The following PNPLA8 variants were observed in gnomAD, a reference collection of about 807,000 sequenced individuals.
PNPLA8 encodes the protein patatin like domain 8, phospholipase A2.
A neutral mutation model predicts 76.9 loss-of-function variants in PNPLA8; 39 were observed. The observed-to-expected ratio is 0.51, with a 90% CI of 0.39 to 0.66. The LOEUF is 0.66. Ranked by LOEUF, PNPLA8 falls within the 30% of genes least tolerant of loss-of-function variation. The pLI, the probability that PNPLA8 is intolerant of heterozygous loss-of-function variation, is 0.00. For synonymous variants in PNPLA8, 301 were observed against 307.9 expected, an observed-to-expected ratio of 0.98 and a Z score of 0.24; for missense variants, 887 against 918.0, an observed-to-expected ratio of 0.97 and a Z score of 0.44.
intron 10 of PNPLA8, among the ~76,000 whole-genome samples, chr7:108,473,570 G>C (rs1443631283): frequency 6.6e-6 from 1 of 152,174 alleles, no homozygotes; most frequent in African/African-American, 2.4e-5. Context: ...AAGTTAGTAT[G>C]TCAAGTCTTA....
intron 8 of PNPLA8, among the ~76,000 whole-genome samples, chr7:108,490,566 G>A (rs2154515313): frequency 6.6e-6 from 1 of 151,846 alleles, no homozygotes; most frequent in Admixed American, 6.5e-5. Context: ...GGCGAATCAC[G>A]AGGTCAGGAG....
chr7:108,474,873 T>G (rs1465942004), intron 10 of PNPLA8, among the ~76,000 whole-genome samples: 2 of 152,210 alleles, frequency 1.3e-5, no homozygotes, highest in Non-Finnish European at 2.9e-5. Context: ...TCCTCCAACT[T>G]TTTTTTCTTT....
chr7:108,498,510 T>G (rs1460737685), intron 5 of PNPLA8, among the ~76,000 whole-genome samples: 1 of 151,498 alleles, frequency 6.6e-6, no homozygotes, highest in African/African-American at 2.4e-5. Flanking sequence ...CCTGACCTCA[T>G]GATCCACCCG....
rs141707516 is a variant in PNPLA8 at position 108,515,168 on chromosome 7, C to T, written c.324G>A (p.Leu108=). Residue 108 remains leucine, a synonymous_variant, in exon 3 of 11, where the codon TTG becomes TTA. Transcript: ENST00000257694. ...NICMSRIKST[L]NSVSKAVFGN... ...CAAAAACAGCCTTTGAAACAGAGTT[C>T]AAAGTACTTTTAATACGGGACATAC... is the stretch of plus-strand genomic sequence containing the variant. The T allele has an allele frequency of 1.8e-3, 2,914 of 1,607,662 alleles. 39 individuals are homozygous for T. The highest frequency in any genetic ancestry group is 3.6e-3 in the Middle Eastern group (22 of 6,032).
Position 108,502,599 on chromosome 7 carries a change from T to A in PNPLA8, c.1250A>T (p.Asp417Val). The change falls in exon 5 of 11, where the codon GAT (aspartate) becomes GTT (valine). Residue 417 changes from aspartate to valine, a missense_variant. Coordinates refer to ENST00000257694, the MANE Select transcript of PNPLA8 (RefSeq NM_001256007.3). ...PYLLRLRQIK[D>V]ETLQAAVREI... The stretch of plus-strand genomic sequence containing the variant: ...TCTAACTGCAGCCTGAAGAGTTTCA[T>A]CCTTAATTTGTCTCAGTCGTAATAA... 6.2e-7 allele frequency: 1 copy of A among 1,611,852 alleles called. No individual in the cohort carries two copies. Among genetic ancestry groups the A allele is most frequent in the South Asian group, 1.1e-5 (1 of 91,020 alleles).
In PNPLA8 at chr7:108,516,110, A is replaced by T. The variant is rs541490737; in HGVS notation, c.-83-536T>A. On this transcript the variant is annotated intron_variant, in intron 2 of 10. Coordinates refer to ENST00000257694, the MANE Select transcript of PNPLA8 (RefSeq NM_001256007.3). ...ATAGCCATGTGAAAAAGATTTCACT[A>T]CCTAAGTAATAAGTGCTCATTAAAT... is the stretch of plus-strand genomic sequence containing the variant. 6.3e-4 allele frequency among the ~76,000 whole-genome samples: 96 copies of T among 152,238 alleles called. 1 individual carries two copies. Among genetic ancestry groups the T allele is most frequent in the Non-Finnish European group, 1.3e-3 (87 of 68,028 alleles).
At chr7:108,490,668 C>T (rs989975827) in intron 8 of PNPLA8, among the ~76,000 whole-genome samples, 13 of 151,986 alleles carry the variant, frequency 8.6e-5, no homozygotes, top group Admixed American at 5.9e-4. Flanking sequence ...CCTATAGTCC[C>T]AGCTACTTGG....
chr7:108,490,383 C>A (rs1861059397), intron 8 of PNPLA8, among the ~76,000 whole-genome samples: 1 of 143,100 alleles, frequency 7.0e-6, no homozygotes, highest in Admixed American at 7.1e-5. Flanking sequence ...AATACTTGCA[C>A]AATGACAAAA....
chr7:108,480,019 T>C (rs973089565), intron 9 of PNPLA8, among the ~76,000 whole-genome samples: 45 of 152,178 alleles, frequency 3.0e-4, no homozygotes, highest in African/African-American at 1.0e-3. Context: ...ATAAAATGTA[T>C]TGTAGAACCA....
At chr7:108,495,157 G>C (rs1421092778) in intron 7 of PNPLA8, among the ~76,000 whole-genome samples, 1 of 152,140 alleles carries the variant, frequency 6.6e-6, no homozygotes, top group African/African-American at 2.4e-5. Context: ...AGCCATGTAT[G>C]TATCAAGATT....
chr7:108,527,802 C>T (rs535801063), upstream of PNPLA8: 1 of 152,088 alleles, frequency 6.6e-6, no homozygotes, highest in Non-Finnish European at 1.5e-5. Flanking sequence ...CTTGCTAAAA[C>T]TGGACTCAGC....
chr7:108,523,922 G>A (rs1863911394), intron 1 of PNPLA8, among the ~76,000 whole-genome samples: 1 of 152,188 alleles, frequency 6.6e-6, no homozygotes. Flanking sequence ...GTAAAGAGAG[G>A]GAAGTGTTAA....
At chr7:108,526,561 G>C (rs777754177), upstream of PNPLA8, among the ~76,000 whole-genome samples, 1 of 152,242 alleles carries the variant, frequency 6.6e-6, no homozygotes, top group African/African-American at 2.4e-5. Context: ...TGAAGCCCCT[G>C]CCTGCGCTGA....
intron 1 of PNPLA8, among the ~76,000 whole-genome samples, chr7:108,524,555 T>C (rs1450118313): frequency 1.3e-5 from 2 of 152,180 alleles, no homozygotes; most frequent in Admixed American, 6.5e-5. Context: ...CCAGGTGCGG[T>C]GGCTCAGGCC....
chr7:108,515,444 A>G lies in PNPLA8; in HGVS notation c.48T>C (p.Asn16=), dbSNP rs769755695. Residue 16 remains asparagine, a synonymous_variant, in exon 3 of 11, where the codon AAT becomes AAC. Coordinates refer to ENST00000257694, the MANE Select transcript of PNPLA8 (RefSeq NM_001256007.3). ...TCTGCTTCCCACAAACACTTCTTGC[A>G]TTACTAAGGAGGTAAATATATATAT... ...TVDIYIYLLS[N]ARSVCGKQRS... 158 of 1,595,032 alleles carry G rather than the reference A, an allele frequency of 9.9e-5. No individual in the cohort carries two copies. The Admixed American group carries it at 1.5e-3, about 15-fold the overall frequency.
At chr7:108,473,566 G>A (rs1037003043) in intron 10 of PNPLA8, among the ~76,000 whole-genome samples, 2 of 152,180 alleles carry the variant, frequency 1.3e-5, no homozygotes, top group South Asian at 4.1e-4. Context: ...CCCAAAGTTA[G>A]TATGTCAAGT....
At position 108,514,482 on chromosome 7, in the gene PNPLA8, T is replaced by C. The variant is rs1436746491; in HGVS notation, c.1010A>G (p.Asp337Gly). 4 of 1,613,752 alleles carry C rather than the reference T, an allele frequency of 2.5e-6. No homozygotes were observed. Among genetic ancestry groups the C allele is most frequent in the South Asian group, 1.1e-5 (1 of 91,078 alleles). The change falls in exon 3 of 11, where the codon GAC becomes GGC. Residue 337 changes from aspartate (D) to glycine (G), a missense_variant. By Grantham distance (94) the Asp-to-Gly change is moderately conservative (BLOSUM62 -1). Transcript: ENST00000257694. ...PAKTDQAVSK[D>G]RNAEEKKRLS... ...ACGCTTTTTCTCCTCTGCATTTCTG[T>C]CTTTGCTGACAGCCTGATCAGTTTT...
upstream of PNPLA8, among the ~76,000 whole-genome samples, chr7:108,527,268 G>A (rs907538318): frequency 2.6e-5 from 4 of 152,164 alleles, no homozygotes; most frequent in Non-Finnish European, 5.9e-5. Context: ...TGATAGTTGT[G>A]TTGTTTTGAT....
At chr7:108,510,594 T>C (rs1216037542) in intron 4 of PNPLA8, 3 of 1,539,060 alleles carry the variant, frequency 1.9e-6, no homozygotes, top group Non-Finnish European at 2.7e-6. Context: ...AATGGAACCT[T>C]TGTGAAGCTC....
Sources: allele counts gnomAD v4.1 joint callset (sites outside exome capture counted in the v4.1 genomes callset), GRCh38; gene constraint gnomAD v4.1.1; transcripts MANE v1.5; gene names NCBI Gene and HGNC (gene_info 2026-07-23, HGNC 2026-07-21).